Variants in GJA3 observed in about 807,000 individuals in gnomAD.
The protein encoded by GJA3 is gap junction alpha-3 protein.
For synonymous variants in GJA3, 297 were observed against 292.6 expected (o/e 1.02, Z -0.15); for missense variants, 571 against 620.3 (o/e 0.92, Z 0.84).
intron 1 of GJA3, among the ~76,000 whole-genome samples, chr13:20,147,344 A>T (rs1958848976): frequency 1.3e-5 from 2 of 152,210 alleles, no homozygotes; most frequent in Non-Finnish European, 2.9e-5. Flanking sequence ...GCAAGTGAAA[A>T]AGAATCCCTA....
Position 20,142,589 on chromosome 13 carries a change from C to G in GJA3, c.700G>C (p.Val234Leu). ...GCGTCCGGGCCGAGGCGGCTGGTCA[C>G]GCCCTGCTTGAGCTTCTTCCAGCCC... ...HLGWKKLKQGVTSRLGPDASE... is the reference protein window; with the variant it reads ...HLGWKKLKQGLTSRLGPDASE... Residue 234 changes from valine (V) to leucine (L), a missense_variant, in exon 2 of 2, where the codon GTG becomes CTG. By Grantham distance (32) the Val-to-Leu change is conservative (BLOSUM62 1). Coordinates refer to ENST00000241125, the MANE Select transcript of GJA3 (RefSeq NM_021954.4). The G allele has an allele frequency of 6.2e-7, 1 of 1,609,070 alleles. No individual in the cohort carries two copies. Among genetic ancestry groups the G allele is most frequent in the Non-Finnish European group, 8.5e-7 (1 of 1,178,200 alleles).
chr13:20,143,172 G>A lies in GJA3; in HGVS notation c.117C>T (p.Ala39=). 1.2e-6 allele frequency: 2 copies of A among 1,605,108 alleles called. No individual in the cohort carries two copies. Among genetic ancestry groups the A allele is most frequent in the Non-Finnish European group, 8.5e-7 (1 of 1,174,394 alleles). Residue 39 remains alanine, a synonymous_variant, in exon 2 of 2, where the codon GCC becomes GCT. Coordinates refer to ENST00000241125, the MANE Select transcript of GJA3 (RefSeq NM_021954.4). ...CATCGCCCCACACGTCCTCCGCCGC[G>A]GCCCCCAGCACCAAGATGCGGAAGA... ...LFIFRILVLG[A]AAEDVWGDEQ...
intron 1 of GJA3, among the ~76,000 whole-genome samples, chr13:20,156,691 C>T (rs1293714554): frequency 2.0e-5 from 3 of 152,134 alleles, no homozygotes; most frequent in Admixed American, 6.6e-5. Flanking sequence ...ATTTTATACT[C>T]GAGAATGGCA....
chr13:20,152,683 A>G (rs371167722), intron 1 of GJA3, among the ~76,000 whole-genome samples: 74 of 152,328 alleles, frequency 4.9e-4, no homozygotes, highest in African/African-American at 1.8e-3. Flanking sequence ...CCTAGTCTAT[A>G]CTGACAATTT....
At chr13:20,157,384 T>C (rs927384412) in intron 1 of GJA3, among the ~76,000 whole-genome samples, 1 of 152,208 alleles carries the variant, frequency 6.6e-6, no homozygotes, top group Non-Finnish European at 1.5e-5. Context: ...TAAATCCAAA[T>C]GACATCCTTC....
chr13:20,157,602 T>A (rs1487981376), intron 1 of GJA3, among the ~76,000 whole-genome samples: 6 of 152,182 alleles, frequency 3.9e-5, no homozygotes, highest in Non-Finnish European at 8.8e-5. Flanking sequence ...CTGGCCCAAC[T>A]TCCCTTCCCC....
chr13:20,144,325 C>A (rs761242333), intron 1 of GJA3, among the ~76,000 whole-genome samples: 1 of 152,150 alleles, frequency 6.6e-6, no homozygotes, highest in African/African-American at 2.4e-5. Context: ...TCAGCAGAGC[C>A]GGGCCTTCAG....
chr13:20,150,932 G>C (rs1279976517), intron 1 of GJA3, among the ~76,000 whole-genome samples: 1 of 152,222 alleles, frequency 6.6e-6, no homozygotes, highest in Non-Finnish European at 1.5e-5. Context: ...GTCCTGTCCT[G>C]GGGGAGGGGT....
intron 1 of GJA3, among the ~76,000 whole-genome samples, chr13:20,150,822 G>A (rs944212120): frequency 6.6e-6 from 1 of 152,182 alleles, no homozygotes; most frequent in Non-Finnish European, 1.5e-5. Context: ...CTGAGGCAGG[G>A]GTGACTCTGC....
At position 20,142,805 on chromosome 13, in the gene GJA3, C is replaced by A. The variant is rs1376657755; in HGVS notation, c.484G>T (p.Gly162Cys). 3.1e-6 allele frequency: 5 copies of A among 1,613,542 alleles called. No homozygotes were observed. The highest frequency in any genetic ancestry group is 4.2e-6 in the Non-Finnish European group (5 of 1,179,888). ...AGAAAGTACTGGCCGGCGATGAAGC[C>A]CACCTCGAACAGCGTCTTGAAGATG... ...NIIFKTLFEVGFIAGQYFLYG... is the reference protein window; with the variant it reads ...NIIFKTLFEVCFIAGQYFLYG... Residue 162 changes from glycine (G) to cysteine (C), a missense_variant, in exon 2 of 2, where the codon GGC becomes TGC. Gly to Cys is a radical substitution (Grantham distance 159, BLOSUM62 -3). Coordinates refer to ENST00000241125, the MANE Select transcript of GJA3 (RefSeq NM_021954.4).
chr13:20,148,870 G>C (rs1784086837), intron 1 of GJA3, among the ~76,000 whole-genome samples: 2 of 152,232 alleles, frequency 1.3e-5, no homozygotes, highest in Admixed American at 1.3e-4. Flanking sequence ...AACCTTTTTA[G>C]AGAACTGACC....
intron 1 of GJA3, among the ~76,000 whole-genome samples, chr13:20,154,251 G>A (rs58817110): frequency 0.25 from 37,739 of 152,114 alleles, 6,454 homozygotes; most frequent in African/African-American, 0.49. Flanking sequence ...CTTCACTGCT[G>A]CGACACTTCT....
In GJA3 at chr13:20,141,827, A is replaced by C. The variant is rs1593332741; in HGVS notation, c.*154T>G. 8.9e-7 allele frequency: 1 copy of C among 1,121,558 alleles called. No homozygotes were observed. Among genetic ancestry groups the C allele is most frequent in the Non-Finnish European group, 1.3e-6 (1 of 795,566 alleles). 69.5% of individuals were successfully genotyped at this position (1,121,558 alleles called of 1,614,324 possible). A position where few individuals can be genotyped will look rare whatever the true frequency, so the allele number is the denominator to read the frequency against. On this transcript the variant is annotated 3_prime_UTR_variant, in exon 2 of 2. Transcript: ENST00000241125. ...AGAACAGCAAGCATTGAACACGGAA[A>C]CCTGATCTCTCCTCCATCGTCCACC...
intron 1 of GJA3, among the ~76,000 whole-genome samples, chr13:20,144,617 A>G (rs1195899985): frequency 6.6e-6 from 1 of 152,194 alleles, no homozygotes; most frequent in Non-Finnish European, 1.5e-5. Flanking sequence ...CCAGGCAGGC[A>G]GCTTCCTCTC....
intron 1 of GJA3, among the ~76,000 whole-genome samples, chr13:20,151,593 G>A (rs1958878017): frequency 6.6e-6 from 1 of 152,170 alleles, no homozygotes; most frequent in Admixed American, 6.5e-5. Context: ...GCAGACCGGG[G>A]CTCCAGGACA....
chr13:20,159,794 G>C (rs1320229636), intron 1 of GJA3, among the ~76,000 whole-genome samples: 1 of 152,174 alleles, frequency 6.6e-6, no homozygotes, highest in Non-Finnish European at 1.5e-5. Flanking sequence ...GAACCAAACT[G>C]CTGAGCAGGT....
Position 20,142,177 on chromosome 13 carries a change from G to A in GJA3, c.1112C>T (p.Ala371Val). Residue 371 changes from alanine to valine, a missense_variant, in exon 2 of 2, where the codon GCG (alanine) becomes GTG (valine). Coordinates refer to ENST00000241125, the MANE Select transcript of GJA3 (RefSeq NM_021954.4). ...GCCGCTCCCATCCAGCAGCAGGGGC[G>A]CCGCGCCCGCCTCAGCCTCGTGCGC... ...PLAHEAEAGA[A>V]PLLLDGSGSS... 2.0e-6 allele frequency: 3 copies of A among 1,511,780 alleles called. No individual in the cohort carries two copies. Among genetic ancestry groups the A allele is most frequent in the South Asian group, 2.5e-5 (2 of 79,080 alleles). The allele number at this position is 1,511,780 out of a possible 1,614,324, so 93.6% of individuals were successfully genotyped here.
intron 1 of GJA3, 38 bp from the exon 2 acceptor site, chr13:20,143,343 C>A: frequency 7.0e-7 from 1 of 1,419,640 alleles, no homozygotes; most frequent in African/African-American, 1.4e-5. Flanking sequence ...CGGGCTGCAA[C>A]GGCTGAGTGC....
rs1958790306 is a variant in GJA3, at chr13:20,138,661, T to G, written c.*3320A>C. 6.6e-6 allele frequency: 1 copy of G among 152,212 alleles called. No individual in the cohort carries two copies. Among genetic ancestry groups the G allele is most frequent in the African/African-American group, 2.4e-5 (1 of 41,420 alleles). 9.4% of individuals were successfully genotyped at this position (152,212 alleles called of 1,614,324 possible). A position where few individuals can be genotyped will look rare whatever the true frequency, so the allele number is the denominator to read the frequency against. ...TTAGGATATCCTCAATTTGTAGGGG[T>G]GGCGGGTGGTGATGGTGGCAGGACT... On this transcript the variant is annotated 3_prime_UTR_variant, in exon 2 of 2. Transcript: ENST00000241125.
Sources: allele counts gnomAD v4.1 joint callset (sites outside exome capture counted in the v4.1 genomes callset), GRCh38; gene constraint gnomAD v4.1.1; transcripts MANE v1.5; gene names NCBI Gene and HGNC (gene_info 2026-07-23, HGNC 2026-07-21).